GGH: variants seen among roughly 807,000 people sequenced by gnomAD.
GGH encodes gamma-Glu-X carboxypeptidase.
Under a neutral mutation model 39.2 loss-of-function variants are expected in GGH, and 18 were observed. The ratio of observed to expected loss-of-function variants is 0.46; its 90% CI spans 0.32 to 0.68. The LOEUF (loss-of-function observed/expected upper bound fraction) is 0.68, where lower values mean the gene tolerates loss of function less well. Ranked by LOEUF, GGH falls within the 30% of genes least tolerant of loss-of-function variation. GGH has a pLI of 0.04. For synonymous variants in GGH, 147 were observed against 138.8 expected, an observed-to-expected ratio of 1.06 and a Z score of -0.42; for missense variants, 367 against 384.1, an observed-to-expected ratio of 0.96 and a Z score of 0.37.
In GGH at chr8:63,031,137, C is replaced by G. The variant is rs1199687265; in HGVS notation, c.225-920G>C. ...AGATGTCAACTAGTCCATTTCTGCC[C>G]TCAAAGAAGTTTTAGGGGGAGGTAA... On this transcript the variant is annotated intron_variant, in intron 2 of 8. Coordinates refer to ENST00000260118, the MANE Select transcript of GGH (RefSeq NM_003878.3). 4.6e-5 allele frequency among the ~76,000 whole-genome samples: 7 copies of G among 152,128 alleles called. No homozygotes were observed. In the East Asian group the frequency reaches 1.4e-3, roughly 29 times the overall value.
chr8:63,020,875 G>A (rs536007057), intron 7 of GGH, among the ~76,000 whole-genome samples: 7 of 152,200 alleles, frequency 4.6e-5, no homozygotes, highest in Non-Finnish European at 7.3e-5. Context: ...AGCAGACCAC[G>A]AGTGGGTGGC....
At chr8:63,031,167 C>T (rs1804795686) in intron 2 of GGH, among the ~76,000 whole-genome samples, 1 of 152,130 alleles carries the variant, frequency 6.6e-6, no homozygotes, top group African/African-American at 2.4e-5. Flanking sequence ...AGGTAAAGTC[C>T]CTCACACCCA....
intron 3 of GGH, 125 bp from the exon 4 acceptor site, chr8:63,027,390 G>A: frequency 5.7e-6 from 3 of 526,256 alleles, no homozygotes; most frequent in Non-Finnish European, 6.6e-6. Flanking sequence ...GATCCTTGAA[G>A]AAAATTAGAA....
intron 7 of GGH, among the ~76,000 whole-genome samples, chr8:63,020,788 A>T (rs1379576286): frequency 6.6e-6 from 1 of 152,184 alleles, no homozygotes; most frequent in Non-Finnish European, 1.5e-5. Context: ...ATAAGCTCAT[A>T]AATCTAGACT....
At chr8:63,034,472 T>C (rs1489905627) in intron 2 of GGH, among the ~76,000 whole-genome samples, 1 of 152,178 alleles carries the variant, frequency 6.6e-6, no homozygotes, top group Non-Finnish European at 1.5e-5. Flanking sequence ...CTGTACAGAA[T>C]AAATAGTGTT....
At position 63,020,879 on chromosome 8, in the gene GGH, G is replaced by A. The variant is rs535259362; in HGVS notation, c.697+3028C>T. Reference sequence around the variant, plus strand: ...ACTGGCACTTCAGCAGACCACGAGTGGGTGGCTGGAAGATGGGTTTGTGGA... The same window carrying A: ...ACTGGCACTTCAGCAGACCACGAGTAGGTGGCTGGAAGATGGGTTTGTGGA... On this transcript the variant is annotated intron_variant, in intron 7 of 8. Coordinates refer to ENST00000260118, the MANE Select transcript of GGH (RefSeq NM_003878.3). Among the ~76,000 whole-genome samples, 4 of 152,292 alleles carry A rather than the reference G, an allele frequency of 2.6e-5. No individual in the cohort carries two copies. The East Asian group carries it at 7.7e-4, about 29-fold the overall frequency.
intron 7 of GGH, among the ~76,000 whole-genome samples, chr8:63,018,611 C>T (rs1804529729): frequency 6.6e-6 from 1 of 152,204 alleles, no homozygotes; most frequent in South Asian, 2.1e-4. Flanking sequence ...GCTCCAGGCA[C>T]TCAGCTCCCT....
Position 63,038,747 on chromosome 8 carries a change from G to A in GGH, c.22C>T (p.Leu8=). Residue 8 remains leucine, a synonymous_variant, in exon 1 of 9, where the codon CTG becomes TTG. Transcript: ENST00000260118. MASPGCL[L]CVLGLLLCGA... ...CAGAGTAGCAGGCCCAGCACGCACA[G>A]CAGGCAGCCCGGACTGGCCATGGCG... is the stretch of plus-strand genomic sequence containing the variant. 6.3e-7 allele frequency: 1 copy of A among 1,577,534 alleles called. No homozygotes were observed. The highest frequency in any genetic ancestry group is 1.4e-5 in the African/African-American group (1 of 72,826).
chr8:63,015,806 C>T (rs73684326), intron 8 of GGH, among the ~76,000 whole-genome samples: 3,084 of 147,084 alleles, frequency 0.021, 93 homozygotes, highest in African/African-American at 0.068. Context: ...ATGCTCACTC[C>T]GCAACTCATT....
At chr8:63,019,215 A>C (rs767964758) in intron 7 of GGH, among the ~76,000 whole-genome samples, 4 of 152,264 alleles carry the variant, frequency 2.6e-5, no homozygotes, top group Non-Finnish European at 5.9e-5. Context: ...TATTCACATC[A>C]ATTTGCCAGG....
At chr8:63,028,818 C>T (rs1307186960) in intron 3 of GGH, among the ~76,000 whole-genome samples, 1 of 152,164 alleles carries the variant, frequency 6.6e-6, no homozygotes, top group East Asian at 1.9e-4. Flanking sequence ...GTCTACACTG[C>T]TACTTGATTC....
At position 63,026,302 on chromosome 8, in the gene GGH, C is replaced by T. The variant is rs1804683246; in HGVS notation, c.361-6G>A. The stretch of plus-strand genomic sequence containing the variant: ...TAGTCTCCATCATCAAAACTCTTTG[C>T]AAGTGGAAAAAGAGAAAACTAAGTT... On this transcript the variant is annotated splice_polypyrimidine_tract_variant and splice_region_variant and intron_variant, in intron 4 of 8. Coordinates refer to ENST00000260118, the MANE Select transcript of GGH (RefSeq NM_003878.3). 2 of 1,588,340 alleles carry T rather than the reference C, an allele frequency of 1.3e-6. No homozygotes were observed. The highest frequency in any genetic ancestry group is 2.3e-5 in the East Asian group (1 of 44,318).
At chr8:63,029,267 G>A (rs959001066) in intron 3 of GGH, among the ~76,000 whole-genome samples, 1 of 152,112 alleles carries the variant, frequency 6.6e-6, no homozygotes, top group Admixed American at 6.5e-5. Flanking sequence ...AGCAAACGGG[G>A]TGTATGCTAT....
intron 8 of GGH, among the ~76,000 whole-genome samples, chr8:63,016,182 T>A (rs1563665554): frequency 1.3e-5 from 2 of 152,114 alleles, no homozygotes; most frequent in African/African-American, 4.8e-5. Flanking sequence ...TCAGAAAGAA[T>A]GTTGGAAGAT....
In GGH at chr8:63,030,182, A is replaced by G. The variant is rs1804777730; in HGVS notation, c.260T>C (p.Phe87Ser). The stretch of plus-strand genomic sequence containing the variant: ...GCCAACTTACCCATTAATAGATTTG[A>G]AAAGTATTTCATAGTCTTTCTCTGT... ...DLTEKDYEIL[F>S]KSINGILFPG... Residue 87 changes from phenylalanine to serine, a missense_variant, in exon 3 of 9, where the codon TTC becomes TCC. Coordinates refer to ENST00000260118, the MANE Select transcript of GGH (RefSeq NM_003878.3). The G allele has an allele frequency of 1.4e-6, 2 of 1,430,066 alleles. No individual in the cohort carries two copies. The highest frequency in any genetic ancestry group is 1.1e-5 in the South Asian group (1 of 87,128). 88.6% of individuals were successfully genotyped at this position (1,430,066 alleles called of 1,614,324 possible). A position where few individuals can be genotyped will look rare whatever the true frequency, so the allele number is the denominator to read the frequency against.
chr8:63,015,536 C>T (rs1361681331), intron 8 of GGH, 83 bp from the exon 9 acceptor site: 1 of 819,396 alleles, frequency 1.2e-6, no homozygotes, highest in Non-Finnish European at 1.9e-6. Flanking sequence ...TTCCTGCAAT[C>T]AGCATTATTA....
chr8:63,036,996 G>A (rs550146571), intron 1 of GGH, among the ~76,000 whole-genome samples: 1 of 152,244 alleles, frequency 6.6e-6, no homozygotes, highest in African/African-American at 2.4e-5. Flanking sequence ...ATAGCAACCA[G>A]TATACATCAA....
intron 8 of GGH, among the ~76,000 whole-genome samples, chr8:63,016,551 T>C (rs978301070): frequency 6.6e-6 from 1 of 152,242 alleles, no homozygotes; most frequent in Non-Finnish European, 1.5e-5. Flanking sequence ...TTTGTACCTC[T>C]GTCTTACACA....
At position 63,023,889 on chromosome 8, in the gene GGH, C is replaced by G; in HGVS notation, c.697+18G>C. On this transcript the variant is annotated intron_variant, in intron 7 of 8. Transcript: ENST00000260118. ...TATAAAATAAGTGAAATAAAGTATACATGTTATAGTGATATACCTTCCATT... is the reference window on the plus strand; with the variant it reads ...TATAAAATAAGTGAAATAAAGTATAGATGTTATAGTGATATACCTTCCATT... The G allele has an allele frequency of 6.9e-7, 1 of 1,446,950 alleles. No homozygotes were observed. The allele number at this position is 1,446,950 out of a possible 1,614,324, so 89.6% of individuals were successfully genotyped here.
Sources: gnomAD v4.1 joint callset for allele counts (sites outside exome capture counted in the v4.1 genomes callset) on GRCh38, gnomAD v4.1.1 for gene constraint, MANE v1.5 for transcripts, NCBI Gene and HGNC (gene_info 2026-07-23, HGNC 2026-07-21) for gene names.